ADGRD1: variants seen among roughly 807,000 people sequenced by gnomAD.
ADGRD1 encodes adhesion G protein-coupled receptor D1.
In ADGRD1, 77 loss-of-function variants were observed where a neutral mutation model predicts 113.4. The ratio of observed to expected loss-of-function variants is 0.68; its 90% CI spans 0.57 to 0.82. The LOEUF (loss-of-function observed/expected upper bound fraction) is 0.82. Ranked by LOEUF, ADGRD1 falls within the 40% of genes least tolerant of loss-of-function variation. The probability of loss-of-function intolerance (pLI) is 0.00; values close to 1 mark genes in which losing one functional copy is unlikely to be tolerated. For synonymous variants in ADGRD1, 474 were observed against 475.0 expected (o/e 1.00, Z 0.03); for missense variants, 1,036 against 1,139.1 (o/e 0.91, Z 1.30).
Position 131,016,169 on chromosome 12 carries a change from G to T in ADGRD1, c.1473+1829G>T, listed in dbSNP as rs200861996. Among the ~76,000 whole-genome samples, 4 of 152,214 alleles carry T rather than the reference G, an allele frequency of 2.6e-5. No homozygotes were observed. In the East Asian group the frequency reaches 7.7e-4, roughly 29 times the overall value. ...CACAGAAGGGAACCTCCCTCCACGC[G>T]GTCTTTGCGCTGTATTAGCACAGAG... On this transcript the variant is annotated intron_variant, in intron 13 of 24. Transcript: ENST00000261654.
At position 131,038,283 on chromosome 12, in the gene ADGRD1, G is replaced by A. The variant is rs76502536; in HGVS notation, c.1473+23943G>A. Among the ~76,000 whole-genome samples, 1,195 of 152,342 alleles carry A rather than the reference G, an allele frequency of 7.8e-3. 21 individuals carry two copies. The highest frequency in any genetic ancestry group is 0.027 in the African/African-American group (1,143 of 41,574). ...CATAGCCCAGTGTCTCCACAGTGCC[G>A]GGAGGGCCTGTGCGCTGAGCCAGGG... On this transcript the variant is annotated intron_variant, in intron 13 of 24. Transcript: ENST00000261654.
chr12:130,990,924 A>C, intron 6 of ADGRD1, 90 bp from the exon 7 acceptor site: 1 of 958,720 alleles, frequency 1.0e-6, no homozygotes, highest in Non-Finnish European at 1.7e-6. Context: ...CATGTGTCTG[A>C]AGCCAGTACA....
At chr12:131,049,650 A>G (rs1039379475) in intron 13 of ADGRD1, among the ~76,000 whole-genome samples, 1 of 152,150 alleles carries the variant, frequency 6.6e-6, no homozygotes, top group African/African-American at 2.4e-5. Flanking sequence ...TGGCTGCCCC[A>G]CAGGATCATA....
intron 13 of ADGRD1, among the ~76,000 whole-genome samples, chr12:131,048,615 G>A (rs1003320538): frequency 1.8e-4 from 27 of 152,216 alleles, no homozygotes; most frequent in African/African-American, 5.1e-4. Context: ...CCCAGCTGAC[G>A]TGCAGATCAG....
At position 131,003,303 on chromosome 12, in the gene ADGRD1, G is replaced by A; in HGVS notation, c.1144+1G>A. Reference sequence around the variant, plus strand: ...GTGGAGGGCTCCTCTGCCATGGCAGGTAGCTGTCGCTTGTAAGGGTGAGCC... The same window carrying A: ...GTGGAGGGCTCCTCTGCCATGGCAGATAGCTGTCGCTTGTAAGGGTGAGCC... On this transcript the variant is annotated splice_donor_variant, in intron 10 of 24. Coordinates refer to ENST00000261654, the MANE Select transcript of ADGRD1 (RefSeq NM_198827.5). LOFTEE classifies it high-confidence loss of function. The surrounding 1 kb of genome is among the most constrained non-coding windows in gnomAD (Gnocchi z 4.8). 1.2e-6 allele frequency: 2 copies of A among 1,606,152 alleles called. No individual in the cohort carries two copies. The highest frequency in any genetic ancestry group is 8.5e-7 in the Non-Finnish European group (1 of 1,173,218).
chr12:131,005,541 C>A (rs995168120), intron 11 of ADGRD1, among the ~76,000 whole-genome samples: 1 of 152,076 alleles, frequency 6.6e-6, no homozygotes, highest in Non-Finnish European at 1.5e-5. Context: ...AAATCCTCTG[C>A]GTGTGGAGGG....
At chr12:130,970,173 G>C (rs76302457) in intron 3 of ADGRD1, 1 of 152,294 alleles carries the variant, frequency 6.6e-6, no homozygotes, top group African/African-American at 2.4e-5. Context: ...AAAGCAAAAG[G>C]GGTAGTAGCA....
At chr12:131,026,735 T>G (rs952154792) in intron 13 of ADGRD1, 2 of 152,042 alleles carry the variant, frequency 1.3e-5, no homozygotes, top group African/African-American at 4.8e-5. Flanking sequence ...CAGCAGCCCC[T>G]CCCCAGGTTT....
At position 131,119,734 on chromosome 12, in the gene ADGRD1, C is replaced by T. The variant is rs547098684; in HGVS notation, c.2109-1113C>T. On this transcript the variant is annotated intron_variant, in intron 19 of 24. Coordinates refer to ENST00000261654, the MANE Select transcript of ADGRD1 (RefSeq NM_198827.5). ...TCCGGAGAGCCTGGTTTGAATCGCACCTTTGCAGAGGTACCATTCAGACTT... is the reference window on the plus strand; with the variant it reads ...TCCGGAGAGCCTGGTTTGAATCGCATCTTTGCAGAGGTACCATTCAGACTT... Among the ~76,000 whole-genome samples the T allele has an allele frequency of 3.9e-5, 6 of 152,342 alleles. No individual in the cohort carries two copies. The East Asian group carries it at 1.2e-3, about 29-fold the overall frequency.
rs937016574 is a variant in ADGRD1 at position 131,060,169 on chromosome 12, G to C, written c.1474-16632G>C. 1.3e-5 allele frequency among the ~76,000 whole-genome samples: 2 copies of C among 152,198 alleles called. No individual in the cohort carries two copies. Among genetic ancestry groups the C allele is most frequent in the Admixed American group, 1.3e-4 (2 of 15,284 alleles). The stretch of plus-strand genomic sequence containing the variant: ...TCCCCCAGGGCTCTGCTGATGCCCC[G>C]CATTGCTTCTCCCCATGGCTTCACA... On this transcript the variant is annotated intron_variant, in intron 13 of 24. Coordinates refer to ENST00000261654, the MANE Select transcript of ADGRD1 (RefSeq NM_198827.5). This position sits in a 1 kb window ranked among gnomAD's most constrained non-coding sequence, Gnocchi z 4.4.
chr12:131,024,187 G>A (rs189904180), intron 13 of ADGRD1: 3 of 152,486 alleles, frequency 2.0e-5, no homozygotes, highest in African/African-American at 4.8e-5. Flanking sequence ...GCGGCCTGGG[G>A]GGAGTTGTGC....
At chr12:130,999,218 T>C (rs901166212) in intron 8 of ADGRD1, among the ~76,000 whole-genome samples, 4 of 152,192 alleles carry the variant, frequency 2.6e-5, no homozygotes, top group African/African-American at 9.7e-5. Flanking sequence ...GGAAATAAAG[T>C]TTTATTCATG....
Position 131,075,043 on chromosome 12 carries a change from G to A in ADGRD1, c.1474-1758G>A, listed in dbSNP as rs1239411103. 2.6e-5 allele frequency among the ~76,000 whole-genome samples: 4 copies of A among 152,208 alleles called. No individual in the cohort carries two copies. Among genetic ancestry groups the A allele is most frequent in the Non-Finnish European group, 5.9e-5 (4 of 68,042 alleles). On this transcript the variant is annotated intron_variant, in intron 13 of 24. Coordinates refer to ENST00000261654, the MANE Select transcript of ADGRD1 (RefSeq NM_198827.5). This position sits in a 1 kb window ranked among gnomAD's most constrained non-coding sequence, Gnocchi z 5.3. Reference sequence around the variant, plus strand: ...GGCGGGGGCTGGCACTGGGTGAGGGGGTGATGGGAAGAGGCGTCGCCTCAC... The same window carrying A: ...GGCGGGGGCTGGCACTGGGTGAGGGAGTGATGGGAAGAGGCGTCGCCTCAC...
At chr12:131,029,766 T>A (rs201776781) in intron 13 of ADGRD1, among the ~76,000 whole-genome samples, 1 of 125,800 alleles carries the variant, frequency 7.9e-6, no homozygotes, top group Non-Finnish European at 1.6e-5. Flanking sequence ...GACCCCTTGT[T>A]CGGTGACATT....
chr12:131,053,209 T>C (rs1883555869), intron 13 of ADGRD1, among the ~76,000 whole-genome samples: 1 of 152,250 alleles, frequency 6.6e-6, no homozygotes, highest in African/African-American at 2.4e-5. Flanking sequence ...ACAGAGTCAC[T>C]GTGATGACGG....
Position 131,003,444 on chromosome 12 carries a change from A to C in ADGRD1, c.1144+142A>C. On this transcript the variant is annotated intron_variant, in intron 10 of 24. Transcript: ENST00000261654. This position sits in a 1 kb window ranked among gnomAD's most constrained non-coding sequence, Gnocchi z 4.8. Reference sequence around the variant, plus strand: ...CTGCCTGGCACAAACCACATTTGGAAGGAAAACCCGTGGTCAGATGAGGGC... The same window carrying C: ...CTGCCTGGCACAAACCACATTTGGACGGAAAACCCGTGGTCAGATGAGGGC... 8.8e-6 allele frequency: 6 copies of C among 678,780 alleles called. No individual in the cohort carries two copies. The highest frequency in any genetic ancestry group is 1.6e-5 in the Non-Finnish European group (6 of 381,252). The allele number at this position is 678,780 out of a possible 1,614,324, so 42.0% of individuals were successfully genotyped here. A position where few individuals can be genotyped will look rare whatever the true frequency, so the allele number is the denominator to read the frequency against.
chr12:130,958,305 C>T (rs12309914), intron 2 of ADGRD1, among the ~76,000 whole-genome samples: 50,504 of 151,014 alleles, frequency 0.33, 8,560 homozygotes, highest in East Asian at 0.52. Flanking sequence ...GTTCTAGTGA[C>T]TCTCCTGCCT....
At chr12:131,105,224 TGTGCCCAAGAGA>T (rs1375698451) in intron 16 of ADGRD1, among the ~76,000 whole-genome samples, 2 of 152,256 alleles carry the variant, frequency 1.3e-5, no homozygotes, top group Non-Finnish European at 2.9e-5. Flanking sequence ...AGGGCCCGAC[TGTGCCCAAGAGA>T]GATGAGAACA....
chr12:130,995,923 G>A (rs980342896), intron 8 of ADGRD1, among the ~76,000 whole-genome samples: 6 of 152,216 alleles, frequency 3.9e-5, no homozygotes, highest in South Asian at 2.1e-4. Flanking sequence ...AGGACCCTGC[G>A]GCCTTCCGCA....
Sources: gnomAD v4.1 joint callset for allele counts (sites outside exome capture counted in the v4.1 genomes callset) on GRCh38, gnomAD v4.1.1 for gene constraint, Gnocchi (gnomAD v3.1) non-coding constraint, MANE v1.5 for transcripts, NCBI Gene and HGNC (gene_info 2026-07-23, HGNC 2026-07-21) for gene names.